The following CAPZA2 variants were observed in gnomAD, a reference collection of about 807,000 sequenced individuals.
CAPZA2 encodes the protein F-actin-capping protein subunit alpha-2.
In CAPZA2, 13 loss-of-function variants were observed where a neutral mutation model predicts 44.0. That is an observed-to-expected ratio of 0.30 (90% CI 0.19 to 0.47). The LOEUF is 0.47. Among genes scored for constraint, CAPZA2 ranks in the 20% least tolerant of loss-of-function variants. The pLI, the probability that CAPZA2 is intolerant of heterozygous loss-of-function variation, is 1.00. For missense variants in CAPZA2, 244 were observed against 338.6 expected (o/e 0.72, Z 2.19); for synonymous variants, 94 against 108.2 (o/e 0.87, Z 0.81).
At chr7:116,897,171 C>T (rs1796938658) in intron 3 of CAPZA2, among the ~76,000 whole-genome samples, 1 of 152,100 alleles carries the variant, frequency 6.6e-6, no homozygotes, top group Non-Finnish European at 1.5e-5. Context: ...ACTGTTTAAA[C>T]TTATTTAAAT....
intron 1 of CAPZA2, among the ~76,000 whole-genome samples, chr7:116,868,192 T>A (rs1039512490): frequency 1.3e-5 from 2 of 152,214 alleles, no homozygotes; most frequent in African/African-American, 4.8e-5. Flanking sequence ...CTTCAAGAGA[T>A]CGTTAGTATT....
At chr7:116,865,435 C>G (rs948433924) in intron 1 of CAPZA2, among the ~76,000 whole-genome samples, 1 of 152,142 alleles carries the variant, frequency 6.6e-6, no homozygotes, top group Non-Finnish European at 1.5e-5. Context: ...ATCCACCCCC[C>G]TCGGCCTCCC....
intron 1 of CAPZA2, among the ~76,000 whole-genome samples, chr7:116,863,084 G>A (rs1333006184): frequency 6.6e-6 from 1 of 152,212 alleles, no homozygotes; most frequent in Non-Finnish European, 1.5e-5. Flanking sequence ...CGGCGGCCTG[G>A]CCTGTGAGTG....
At chr7:116,904,625 C>A in intron 5 of CAPZA2, 1 of 406,768 alleles carries the variant, frequency 2.5e-6, no homozygotes, top group Non-Finnish European at 4.4e-6. Context: ...AATTCTAATA[C>A]ATTGATTAAA....
At chr7:116,868,442 G>A (rs1796509399) in intron 1 of CAPZA2, among the ~76,000 whole-genome samples, 1 of 152,136 alleles carries the variant, frequency 6.6e-6, no homozygotes, top group Non-Finnish European at 1.5e-5. Context: ...AATTAGAAAT[G>A]TTTTTATTGG....
chr7:116,891,431 A>T (rs562999574), intron 2 of CAPZA2, among the ~76,000 whole-genome samples: 1 of 152,256 alleles, frequency 6.6e-6, no homozygotes, highest in African/African-American at 2.4e-5. Flanking sequence ...TTTTTTAGGC[A>T]GAAGCATCCA....
chr7:116,916,264 G>T, intron 9 of CAPZA2, 142 bp downstream of exon 9: 1 of 802,872 alleles, frequency 1.2e-6, no homozygotes, highest in Non-Finnish European at 1.8e-6. Flanking sequence ...CACAAAGGCA[G>T]ACTTACTAAT....
intron 1 of CAPZA2, among the ~76,000 whole-genome samples, chr7:116,887,120 G>T (rs1310222798): frequency 1.3e-5 from 2 of 151,966 alleles, no homozygotes; most frequent in Non-Finnish European, 2.9e-5. Context: ...AATCAAATAT[G>T]TATGTCATTG....
intron 1 of CAPZA2, among the ~76,000 whole-genome samples, chr7:116,873,237 G>A: frequency 6.6e-6 from 1 of 152,150 alleles, no homozygotes. Context: ...TGGACTGCTG[G>A]AGAGTGCAGG....
chr7:116,906,196 A>G (rs1791504207), intron 5 of CAPZA2, 67 bp from the exon 6 acceptor site: 6 of 1,571,132 alleles, frequency 3.8e-6, no homozygotes, highest in South Asian at 3.6e-5. Flanking sequence ...AGTATTTTAT[A>G]GATTTTTAAA....
Position 116,918,047 on chromosome 7 carries a change from GTTC to G in CAPZA2, c.*182_*184del. On this transcript the variant is annotated 3_prime_UTR_variant, in exon 10 of 10. Coordinates refer to ENST00000361183, the MANE Select transcript of CAPZA2 (RefSeq NM_006136.3). ...TCAACCATTATTTTTCATTTTGTTT[GTTC>G]TAAGAGGATTGAAAATCAGTTTAGT... 2.0e-6 allele frequency: 1 copy of G among 512,164 alleles called. No individual in the cohort carries two copies. Among genetic ancestry groups the G allele is most frequent in the Non-Finnish European group, 3.5e-6 (1 of 286,496 alleles). 31.7% of individuals were successfully genotyped at this position (512,164 alleles called of 1,614,324 possible). A position where few individuals can be genotyped will look rare whatever the true frequency, so the allele number is the denominator to read the frequency against.
chr7:116,871,919 G>A (rs1438834885), intron 1 of CAPZA2, among the ~76,000 whole-genome samples: 2 of 152,202 alleles, frequency 1.3e-5, no homozygotes, highest in Non-Finnish European at 2.9e-5. Flanking sequence ...ATCAACTGGA[G>A]AGTTTATAAA....
intron 3 of CAPZA2, among the ~76,000 whole-genome samples, chr7:116,893,648 A>G (rs182968347): frequency 6.6e-6 from 1 of 152,164 alleles, no homozygotes; most frequent in African/African-American, 2.4e-5. Context: ...GTTGGAAGAA[A>G]TTGTGGTTGC....
chr7:116,900,724 A>G (rs1335130094), intron 4 of CAPZA2, among the ~76,000 whole-genome samples: 2 of 152,182 alleles, frequency 1.3e-5, no homozygotes, highest in African/African-American at 4.8e-5. Context: ...AACAGAGTAA[A>G]CAGACAACCT....
At chr7:116,863,004 G>A (rs937438192) in intron 1 of CAPZA2, among the ~76,000 whole-genome samples, 5 of 152,108 alleles carry the variant, frequency 3.3e-5, no homozygotes, top group African/African-American at 9.7e-5. Context: ...CCGGGGCCGG[G>A]GACCGGGGAC....
At chr7:116,863,218 T>TC (rs971637268) in intron 1 of CAPZA2, among the ~76,000 whole-genome samples, 8 of 152,218 alleles carry the variant, frequency 5.3e-5, no homozygotes, top group African/African-American at 1.9e-4. Context: ...TCCTTTTTTT[T>TC]CCCTTTCCCC....
At chr7:116,885,030 A>G (rs138363044) in intron 1 of CAPZA2, among the ~76,000 whole-genome samples, 230 of 152,274 alleles carry the variant, frequency 1.5e-3, no homozygotes, top group African/African-American at 5.2e-3. Context: ...TATCTGTCTT[A>G]TATATACTCT....
intron 1 of CAPZA2, among the ~76,000 whole-genome samples, chr7:116,873,286 T>G (rs1253399487): frequency 3.3e-5 from 5 of 152,082 alleles, no homozygotes; most frequent in African/African-American, 1.2e-4. Flanking sequence ...AGATGGCTGT[T>G]TGGGGGTTTT....
chr7:116,914,321 G>A (rs1352969731), intron 8 of CAPZA2, among the ~76,000 whole-genome samples: 2 of 151,670 alleles, frequency 1.3e-5, no homozygotes, highest in Non-Finnish European at 2.9e-5. Context: ...GAGCCACTGC[G>A]CCCGGCCAGA....
Sources: allele counts gnomAD v4.1 joint callset (sites outside exome capture counted in the v4.1 genomes callset), GRCh38; gene constraint gnomAD v4.1.1; transcripts MANE v1.5; gene names NCBI Gene and HGNC (gene_info 2026-07-23, HGNC 2026-07-21).